The following STPG2 variants were observed in gnomAD, a reference collection of about 807,000 sequenced individuals.
The protein encoded by STPG2 is sperm tail PG-rich repeat containing 2, also known as sperm-tail PG-rich repeat-containing protein 2.
A neutral mutation model predicts 54.2 loss-of-function variants in STPG2; 56 were observed. The observed-to-expected ratio is 1.03, with a 90% CI of 0.83 to 1.29. The LOEUF is 1.29. Ranked by LOEUF, STPG2 falls within the 50% of genes most tolerant of loss-of-function variation. STPG2 has a pLI of 0.00. For synonymous variants in STPG2, 200 were observed against 181.8 expected (o/e 1.10, Z -0.81); for missense variants, 596 against 544.9 (o/e 1.09, Z -0.93).
intron 5 of STPG2, among the ~76,000 whole-genome samples, chr4:98,104,019 T>G (rs1427497222): frequency 6.6e-6 from 1 of 152,186 alleles, no homozygotes; most frequent in African/African-American, 2.4e-5. Flanking sequence ...TATCTGCTCA[T>G]CATAATGAGT....
At chr4:97,483,845 A>G (rs1730286977) in intron 4 of STPG2, among the ~76,000 whole-genome samples, 1 of 151,890 alleles carries the variant, frequency 6.6e-6, no homozygotes, top group East Asian at 1.9e-4. Flanking sequence ...GCCTCATTAA[A>G]TTTAAGAAAT....
At chr4:98,005,524 T>A (rs775504888) in intron 5 of STPG2, among the ~76,000 whole-genome samples, 1 of 152,212 alleles carries the variant, frequency 6.6e-6, no homozygotes, top group Non-Finnish European at 1.5e-5. Flanking sequence ...AGCTGTGAGT[T>A]TGTCATATAT....
intron 5 of STPG2, among the ~76,000 whole-genome samples, chr4:98,040,556 ACC>A (rs1736920161): frequency 2.0e-5 from 3 of 151,710 alleles, no homozygotes. Flanking sequence ...TTTTCCCGGC[ACC>A]ATTTATTGAC....
At chr4:97,864,660 C>A (rs1026363384) in intron 8 of STPG2, among the ~76,000 whole-genome samples, 2 of 152,098 alleles carry the variant, frequency 1.3e-5, no homozygotes, top group African/African-American at 4.8e-5. Context: ...AAGAACAAAG[C>A]TGGAGGCATC....
chr4:97,661,503 G>A (rs1722376337), intron 10 of STPG2, among the ~76,000 whole-genome samples: 1 of 151,924 alleles, frequency 6.6e-6, no homozygotes, highest in African/African-American at 2.4e-5. Context: ...TACTGTCTGG[G>A]GCTGAAAGTT....
intron 8 of STPG2, among the ~76,000 whole-genome samples, chr4:97,896,791 C>A (rs1277552324): frequency 6.6e-6 from 1 of 151,444 alleles, no homozygotes; most frequent in Non-Finnish European, 1.5e-5. Context: ...AGAAAAACTA[C>A]AAAAAAAGAT....
chr4:97,482,619 T>A (rs1334927742), intron 4 of STPG2, among the ~76,000 whole-genome samples: 1 of 151,102 alleles, frequency 6.6e-6, no homozygotes, highest in East Asian at 1.9e-4. Flanking sequence ...AATCTAAAAG[T>A]TTGGCAAACA....
intron 9 of STPG2, among the ~76,000 whole-genome samples, chr4:97,838,939 C>T (rs1192487334): frequency 6.6e-6 from 1 of 151,362 alleles, no homozygotes; most frequent in Non-Finnish European, 1.5e-5. Context: ...TTAAGATGCA[C>T]GATAGCAAAC....
rs1170632768 is a variant in STPG2 at position 97,618,105 on chromosome 4, G to A, written c.1321-58988C>T. Among the ~76,000 whole-genome samples, 4 of 152,126 alleles carry A rather than the reference G, an allele frequency of 2.6e-5. No individual in the cohort carries two copies. The East Asian group carries it at 5.8e-4, about 22-fold the overall frequency. ...CACTGAGTTGGAGTTTAACTTCCCT[G>A]CCATTGAATCTAGGGTGGCTTTCTT... On this transcript the variant is annotated intron_variant, in intron 10 of 10. Transcript: ENST00000295268.
intron 10 of STPG2, among the ~76,000 whole-genome samples, chr4:97,617,569 A>T (rs1208892047): frequency 1.3e-5 from 2 of 152,168 alleles, no homozygotes; most frequent in Admixed American, 6.6e-5. Flanking sequence ...TTCAAGGGTT[A>T]AGCAGAGACA....
At chr4:98,050,229 T>A (rs527682436) in intron 5 of STPG2, among the ~76,000 whole-genome samples, 7 of 152,272 alleles carry the variant, frequency 4.6e-5, no homozygotes, top group African/African-American at 1.7e-4. Context: ...ATATTAGCAT[T>A]GTGATTATGT....
intron 4 of STPG2, among the ~76,000 whole-genome samples, chr4:97,502,073 T>A (rs113895344): frequency 0.022 from 3,401 of 151,732 alleles, 82 homozygotes; most frequent in African/African-American, 0.064. Context: ...TCATTGAGAG[T>A]TGATAAATAG....
At chr4:97,441,316 G>C (rs1040143468) in intron 4 of STPG2, 7 of 151,898 alleles carry the variant, frequency 4.6e-5, no homozygotes, top group African/African-American at 1.7e-4. Context: ...CGCTTAGAAA[G>C]AATGCAATGA....
At chr4:97,829,120 G>A (rs574124202) in intron 9 of STPG2, among the ~76,000 whole-genome samples, 1 of 152,280 alleles carries the variant, frequency 6.6e-6, no homozygotes, top group African/African-American at 2.4e-5. Context: ...TCATACAGGA[G>A]AGCTGTGGCT....
chr4:97,927,269 A>G (rs546828962), intron 8 of STPG2, among the ~76,000 whole-genome samples: 37 of 152,160 alleles, frequency 2.4e-4, no homozygotes, highest in Non-Finnish European at 4.0e-4. Flanking sequence ...TCACTAAATA[A>G]TTCTAAGAAA....
chr4:97,475,438 T>C (rs1730046710), intron 4 of STPG2, among the ~76,000 whole-genome samples: 1 of 150,002 alleles, frequency 6.7e-6, no homozygotes, highest in Non-Finnish European at 1.5e-5. Context: ...CAAAAAGTTT[T>C]CACTTAATCT....
chr4:97,933,137 C>G (rs1446565948), intron 8 of STPG2, among the ~76,000 whole-genome samples: 1 of 151,840 alleles, frequency 6.6e-6, no homozygotes, highest in East Asian at 1.9e-4. Context: ...AGCTTTTTTT[C>G]ATTTGTTTAT....
chr4:97,817,844 GACTTA>G (rs1249729627), intron 9 of STPG2, among the ~76,000 whole-genome samples: 1 of 151,396 alleles, frequency 6.6e-6, no homozygotes, highest in Admixed American at 6.6e-5. Context: ...TTTTTCTTAG[GACTTA>G]ACTTGACTAG....
At chr4:97,499,219 C>T (rs1203836448) in intron 4 of STPG2, among the ~76,000 whole-genome samples, 1 of 151,902 alleles carries the variant, frequency 6.6e-6, no homozygotes, top group African/African-American at 2.4e-5. Context: ...AAGGGATTGT[C>T]AGACTTTTAG....
Sources: gnomAD v4.1 joint callset for allele counts (sites outside exome capture counted in the v4.1 genomes callset) on GRCh38, gnomAD v4.1.1 for gene constraint, MANE v1.5 for transcripts, NCBI Gene and HGNC (gene_info 2026-07-23, HGNC 2026-07-21) for gene names.